The following ARHGEF7 variants were observed in gnomAD, a reference collection of about 807,000 sequenced individuals.
The protein encoded by ARHGEF7 is Rho guanine nucleotide exchange factor 7.
Under a neutral mutation model 109.8 loss-of-function variants are expected in ARHGEF7, and 33 were observed. The observed-to-expected ratio is 0.30, with a 90% confidence interval of 0.23 to 0.40. ARHGEF7 has a LOEUF of 0.40. ARHGEF7 is among the 10% of genes least tolerant of loss of function. The pLI is 1.00. For missense variants in ARHGEF7, 938 were observed against 1,098.5 expected (o/e 0.85, Z 2.07); for synonymous variants, 458 against 424.6 (o/e 1.08, Z -0.97).
At chr13:111,300,927 C>T (rs529947030) in intron 20 of ARHGEF7, 80 bp downstream of exon 20, 528 of 789,846 alleles carry the variant, frequency 6.7e-4, no homozygotes, top group Non-Finnish European at 8.9e-4. Flanking sequence ...TCCCTGAGGG[C>T]GGGGGTATGG....
chr13:111,213,915 C>T (rs778359864), intron 4 of ARHGEF7, among the ~76,000 whole-genome samples: 3 of 152,196 alleles, frequency 2.0e-5, no homozygotes, highest in Admixed American at 6.5e-5. Context: ...TCCCATGCAT[C>T]TTGCGCTCTG....
chr13:111,286,324 G>A (rs1483843213), intron 17 of ARHGEF7, 84 bp downstream of exon 17: 1 of 1,160,754 alleles, frequency 8.6e-7, no homozygotes, highest in East Asian at 2.4e-5. Context: ...GGGAGGCTTG[G>A]TGGCTTTCTG....
At chr13:111,279,281 C>T (rs2092656965) in intron 13 of ARHGEF7, among the ~76,000 whole-genome samples, 2 of 152,022 alleles carry the variant, frequency 1.3e-5, no homozygotes, top group African/African-American at 2.4e-5. Flanking sequence ...ATTTCTCAGC[C>T]TGGGCACTGC....
intron 8 of ARHGEF7, among the ~76,000 whole-genome samples, chr13:111,265,152 A>ATT (rs1276561975): frequency 4.0e-5 from 6 of 148,284 alleles, no homozygotes; most frequent in Non-Finnish European, 7.4e-5. Context: ...AAAAAAGAAG[A>ATT]CCCATTGTGC....
chr13:111,175,718 G>A (rs950971409), intron 2 of ARHGEF7, among the ~76,000 whole-genome samples: 6 of 152,224 alleles, frequency 3.9e-5, no homozygotes, highest in Non-Finnish European at 1.5e-5. Context: ...TGTGGATAAG[G>A]AGACTGAGGC....
In ARHGEF7 at chr13:111,133,757, TTTTCTTTA is replaced by T. The variant is rs1404799731; in HGVS notation, c.165+18068_165+18075del. Among the ~76,000 whole-genome samples, 249 of 115,802 alleles carry T rather than the reference TTTTCTTTA, an allele frequency of 2.2e-3. 6 individuals are homozygous for T. The highest frequency in any genetic ancestry group is 4.1e-3 in the Middle Eastern group (1 of 242). 76.0% of individuals were successfully genotyped at this position (115,802 alleles called of 152,430 possible). Reference sequence around the variant, plus strand: ...GACTGGGATGGGGCAGAGAATCTGCTTTTCTTTATATATATATATATATATATATATAT... The same window carrying T: ...GACTGGGATGGGGCAGAGAATCTGCTTATATATATATATATATATATATAT... On this transcript the variant is annotated intron_variant, in intron 1 of 21. Coordinates refer to ENST00000646102, the MANE Select transcript of ARHGEF7 (RefSeq NM_001354046.2).
chr13:111,137,337 G>T (rs2075133266), intron 1 of ARHGEF7, among the ~76,000 whole-genome samples: 1 of 152,246 alleles, frequency 6.6e-6, no homozygotes, highest in African/African-American at 2.4e-5. Context: ...AGCCCACTGA[G>T]CTCATTAGCC....
chr13:111,250,057 A>G (rs555803547), intron 8 of ARHGEF7, among the ~76,000 whole-genome samples: 2 of 152,288 alleles, frequency 1.3e-5, no homozygotes, highest in South Asian at 4.2e-4. Flanking sequence ...GATAGGAGTA[A>G]TTTGGCTATA....
chr13:111,178,830 C>T (rs561973546), intron 2 of ARHGEF7, among the ~76,000 whole-genome samples: 10 of 152,150 alleles, frequency 6.6e-5, no homozygotes, highest in Non-Finnish European at 1.3e-4. Context: ...AATGTCGGGC[C>T]GGTCAGAAGG....
intron 1 of ARHGEF7, chr13:111,143,656 T>C (rs1001304656): frequency 2.0e-5 from 3 of 152,238 alleles, no homozygotes; most frequent in Non-Finnish European, 2.9e-5. Flanking sequence ...AGTTGTCTTA[T>C]GAATCTGTAC....
intron 5 of ARHGEF7, among the ~76,000 whole-genome samples, chr13:111,220,086 C>A (rs1243135693): frequency 6.6e-6 from 1 of 152,178 alleles, no homozygotes; most frequent in Non-Finnish European, 1.5e-5. Context: ...TAGGGCAGGC[C>A]CGGTCCATCC....
At chr13:111,292,865 G>A in intron 19 of ARHGEF7, 1 of 990,364 alleles carries the variant, frequency 1.0e-6, no homozygotes, top group African/African-American at 1.7e-5. Context: ...TAATCGTGCA[G>A]AACAGCATGT....
At position 111,305,225 on chromosome 13, in the gene ARHGEF7, T is replaced by G. The variant is rs1030557391; in HGVS notation, c.*2112T>G. ...TGGATCCAGTATCTTCCTCGGCTTT[T>G]TAGGGAGCAGGAAAAATGCGTCTGA... On this transcript the variant is annotated 3_prime_UTR_variant, in exon 22 of 22. Coordinates refer to ENST00000646102, the MANE Select transcript of ARHGEF7 (RefSeq NM_001354046.2). The G allele has an allele frequency of 2.0e-5, 3 of 152,272 alleles. No homozygotes were observed. The highest frequency in any genetic ancestry group is 2.9e-5 in the Non-Finnish European group (2 of 68,070). The allele number at this position is 152,272 out of a possible 1,614,324, so 9.4% of individuals were successfully genotyped here.
At chr13:111,291,346 G>A (rs554095446) in intron 18 of ARHGEF7, among the ~76,000 whole-genome samples, 51 of 152,376 alleles carry the variant, frequency 3.3e-4, no homozygotes, top group African/African-American at 1.2e-3. Context: ...ACACTGGGAC[G>A]TTGCCAGTTC....
Position 111,145,911 on chromosome 13 carries a change from G to A in ARHGEF7, c.166-7994G>A, listed in dbSNP as rs191720008. On this transcript the variant is annotated intron_variant, in intron 1 of 21. Transcript: ENST00000646102. The surrounding 1 kb of genome is among the most constrained non-coding windows in gnomAD (Gnocchi z 4.3). Reference sequence around the variant, plus strand: ...AGTTTTCTGTGACCCTTTCAGCTAAGGTTCTTTGTTTCACTTACTCCGTGA... The same window carrying A: ...AGTTTTCTGTGACCCTTTCAGCTAAAGTTCTTTGTTTCACTTACTCCGTGA... 2.2e-4 allele frequency among the ~76,000 whole-genome samples: 34 copies of A among 152,314 alleles called. No homozygotes were observed. The highest frequency in any genetic ancestry group is 7.8e-4 in the Admixed American group (12 of 15,298).
chr13:111,134,699 TG>T (rs1389135638), intron 1 of ARHGEF7, among the ~76,000 whole-genome samples: 7 of 152,236 alleles, frequency 4.6e-5, no homozygotes, highest in African/African-American at 1.7e-4. Context: ...ATTAGCCCTT[TG>T]TCAGATGAGT....
At position 111,149,365 on chromosome 13, in the gene ARHGEF7, AGTTGT is replaced by A. The variant is rs560043184; in HGVS notation, c.166-4536_166-4532del. Among the ~76,000 whole-genome samples, 119 of 152,338 alleles carry A rather than the reference AGTTGT, an allele frequency of 7.8e-4. 1 individual carries two copies. The highest frequency in any genetic ancestry group is 2.7e-3 in the African/African-American group (113 of 41,580). On this transcript the variant is annotated intron_variant, in intron 1 of 21. Transcript: ENST00000646102. ...TTTTCATCATTTGTGTACTCATAAT[AGTTGT>A]GTTAACTCAGTTCAGAAAAAAATCA...
At chr13:111,274,112 C>T (rs1394541070) in intron 10 of ARHGEF7, among the ~76,000 whole-genome samples, 160 bp downstream of exon 10, 1 of 152,112 alleles carries the variant, frequency 6.6e-6, no homozygotes, top group Admixed American at 6.5e-5. Flanking sequence ...CTCCTTATTC[C>T]AGCTCTATTA....
rs998491140 is a variant in ARHGEF7, at chr13:111,131,435, C to T, written c.165+15744C>T. ...GGTTGGGTGTGTCGTTGGAGGCATC[C>T]GCATAGAGCTGTTGGAGCTTAGAGG... is the stretch of plus-strand genomic sequence containing the variant. On this transcript the variant is annotated intron_variant, in intron 1 of 21. Coordinates refer to ENST00000646102, the MANE Select transcript of ARHGEF7 (RefSeq NM_001354046.2). This position sits in a 1 kb window ranked among gnomAD's most constrained non-coding sequence, Gnocchi z 4.4. 8.6e-5 allele frequency among the ~76,000 whole-genome samples: 13 copies of T among 152,042 alleles called. No individual in the cohort carries two copies. Among genetic ancestry groups the T allele is most frequent in the African/African-American group, 2.9e-4 (12 of 41,372 alleles).
Sources: gnomAD v4.1 joint callset for allele counts (sites outside exome capture counted in the v4.1 genomes callset) on GRCh38, gnomAD v4.1.1 for gene constraint, Gnocchi (gnomAD v3.1) non-coding constraint, MANE v1.5 for transcripts, NCBI Gene and HGNC (gene_info 2026-07-23, HGNC 2026-07-21) for gene names.